JADE3: variants seen among roughly 807,000 people sequenced by gnomAD.
JADE3 encodes jade family PHD finger 3.
In JADE3, 2 loss-of-function variants were observed where a neutral mutation model predicts 50.1. The observed-to-expected ratio is 0.04, with a 90% CI of 0.02 to 0.13. The LOEUF (loss-of-function observed/expected upper bound fraction) is 0.13. JADE3 is among the 10% of genes least tolerant of loss of function. The pLI is 1.00. For synonymous variants in JADE3, 218 were observed against 232.9 expected (o/e 0.94, Z 0.58); for missense variants, 475 against 634.4 (o/e 0.75, Z 2.70).
chrX:46,962,117 C>A (rs1927274617), intron 1 of JADE3, among the ~76,000 whole-genome samples: 1 of 111,305 alleles, frequency 9.0e-6, no homozygotes, highest in Admixed American at 9.6e-5. Context: ...CGCCTCCTCA[C>A]AGGGTCTTGT....
At chrX:46,993,449 A>G (rs782516727) in intron 3 of JADE3, among the ~76,000 whole-genome samples, 1 of 112,187 alleles carries the variant, frequency 8.9e-6, no homozygotes, top group East Asian at 2.8e-4. Context: ...ATAATTTGCA[A>G]AGCAGCCTTC....
chrX:46,923,583 T>A (rs1556338272), intron 1 of JADE3, among the ~76,000 whole-genome samples: 2 of 105,531 alleles, frequency 1.9e-5, no homozygotes, highest in African/African-American at 6.8e-5. Flanking sequence ...AGCTAATTTT[T>A]AAATTTTTTT....
intron 4 of JADE3, among the ~76,000 whole-genome samples, chrX:47,003,283 G>T (rs781944322): frequency 5.4e-4 from 60 of 110,286 alleles, no homozygotes; most frequent in Non-Finnish European, 9.6e-4. Context: ...GTTCAGTTTT[G>T]GTGAGGGCTC....
chrX:47,048,305 A>G (rs1556371146), intron 8 of JADE3, among the ~76,000 whole-genome samples: 4 of 111,911 alleles, frequency 3.6e-5, no homozygotes, highest in Non-Finnish European at 7.5e-5. Context: ...CTAAAGACAA[A>G]CAGCCAAACT....
At chrX:46,976,154 C>T (rs1350789016) in intron 1 of JADE3, among the ~76,000 whole-genome samples, 1 of 111,491 alleles carries the variant, frequency 9.0e-6, no homozygotes, top group Admixed American at 9.5e-5. Flanking sequence ...AATAGGGGCC[C>T]CTTGCACTGA....
At chrX:46,976,538 T>C (rs1401632017) in intron 1 of JADE3, among the ~76,000 whole-genome samples, 2 of 111,786 alleles carry the variant, frequency 1.8e-5, no homozygotes, top group African/African-American at 6.5e-5. Context: ...TGAGGTCTAG[T>C]GTACATTTTG....
At chrX:47,003,599 T>C (rs1166726040) in intron 4 of JADE3, among the ~76,000 whole-genome samples, 2 of 102,603 alleles carry the variant, frequency 1.9e-5, no homozygotes, top group Non-Finnish European at 3.9e-5. Flanking sequence ...AATAATTATA[T>C]ATAATTAATG....
intron 1 of JADE3, among the ~76,000 whole-genome samples, chrX:46,969,368 A>G (rs1157890957): frequency 1.2e-4 from 13 of 111,794 alleles, no homozygotes; most frequent in Admixed American, 1.9e-4. Context: ...GTGAGCTGAG[A>G]TCGTGCCACT....
chrX:46,998,478 T>G (rs1254473321), intron 4 of JADE3, among the ~76,000 whole-genome samples: 1 of 110,208 alleles, frequency 9.1e-6, no homozygotes, highest in African/African-American at 3.3e-5. Flanking sequence ...AGGGACATAG[T>G]ATGTGCCCAT....
Position 47,024,862 on chromosome X carries a change from T to C in JADE3, c.423T>C (p.Asp141=). The C allele has an allele frequency of 1.7e-6, 2 of 1,203,475 alleles. No individual in the cohort carries two copies. Among genetic ancestry groups the C allele is most frequent in the Admixed American group, 2.2e-5 (1 of 45,950 alleles). The change falls in exon 5 of 11, where the codon GAT becomes GAC. Residue 141 remains aspartate (D), a synonymous_variant. Coordinates refer to ENST00000614628, the MANE Select transcript of JADE3 (RefSeq NM_014735.5). The part of the protein sequence containing the change: ...LAASVCRYDL[D]DMDIFWLQEL... Reference sequence around the variant, plus strand: ...CATCTGTTTGCCGCTATGACCTAGATGACATGGACATCTTCTGGCTTCAGG... The same window carrying C: ...CATCTGTTTGCCGCTATGACCTAGACGACATGGACATCTTCTGGCTTCAGG...
chrX:47,038,074 A>T (rs1233401732), intron 7 of JADE3, among the ~76,000 whole-genome samples: 3 of 111,411 alleles, frequency 2.7e-5, no homozygotes, highest in African/African-American at 9.8e-5. Context: ...GGCTTATTTC[A>T]CTTGACGTAA....
intron 3 of JADE3, 126 bp downstream of exon 3, chrX:46,985,918 G>A: frequency 2.0e-6 from 1 of 490,809 alleles, no homozygotes; most frequent in Non-Finnish European, 3.6e-6. Flanking sequence ...TGGATCATGG[G>A]AATATATCCC....
chrX:47,061,230 A>G lies in JADE3; in HGVS notation c.*2153A>G, dbSNP rs1266770553. 2 of 112,004 alleles carry G rather than the reference A, an allele frequency of 1.8e-5. No individual in the cohort carries two copies. Among genetic ancestry groups the G allele is most frequent in the Non-Finnish European group, 3.8e-5 (2 of 53,199 alleles). The allele number at this position is 112,004 out of a possible 1,213,427, so 9.2% of individuals were successfully genotyped here. A position where few individuals can be genotyped will look rare whatever the true frequency, so the allele number is the denominator to read the frequency against. ...TTTACCAATACTTTTTCATTAAATT[A>G]TGAAAACTGCTACCTACTGTCAGTG... On this transcript the variant is annotated 3_prime_UTR_variant, in exon 11 of 11. Coordinates refer to ENST00000614628, the MANE Select transcript of JADE3 (RefSeq NM_014735.5).
chrX:46,997,589 A>G (rs909420793), intron 3 of JADE3, among the ~76,000 whole-genome samples: 1 of 112,186 alleles, frequency 8.9e-6, no homozygotes, highest in African/African-American at 3.2e-5. Context: ...AATGAATTCT[A>G]TACATTAGTT....
rs868975246 is a variant in JADE3, at chrX:47,015,320, G to A, written c.285-9404G>A. Among the ~76,000 whole-genome samples, 7 of 111,811 alleles carry A rather than the reference G, an allele frequency of 6.3e-5. No homozygotes were observed. In the East Asian group the frequency reaches 2.0e-3, roughly 31 times the overall value. ...AATCTGGCCGGGTGTGGTGGCTCAC[G>A]CCTGTAATCCCAGCACTTTGGGAGG... On this transcript the variant is annotated intron_variant, in intron 4 of 10. Transcript: ENST00000614628.
At chrX:46,912,973 C>G (rs1925997344) in intron 1 of JADE3, 1 of 109,577 alleles carries the variant, frequency 9.1e-6, no homozygotes, top group Non-Finnish European at 1.9e-5. Context: ...CGGGTAGTGC[C>G]TGGTGGCCCG....
Position 46,918,349 on chromosome X carries a change from T to A in JADE3, c.-12+5630T>A, listed in dbSNP as rs782019235. 3.6e-5 allele frequency among the ~76,000 whole-genome samples: 4 copies of A among 112,049 alleles called. No homozygotes were observed. In the East Asian group the frequency reaches 8.4e-4, roughly 23 times the overall value. On this transcript the variant is annotated intron_variant, in intron 1 of 10. Coordinates refer to ENST00000614628, the MANE Select transcript of JADE3 (RefSeq NM_014735.5). ...AGATACTTCAGTGACTAAATGGAAA[T>A]TTTTTTATGTTTTTTGTTTTTTGCA...
chrX:46,969,231 C>G (rs961819689), intron 1 of JADE3, among the ~76,000 whole-genome samples: 6 of 111,277 alleles, frequency 5.4e-5, no homozygotes, highest in African/African-American at 2.0e-4. Context: ...GCCTGGCCAA[C>G]ATGGTGAAAT....
intron 7 of JADE3, among the ~76,000 whole-genome samples, chrX:47,038,152 C>A (rs782619172): frequency 8.9e-6 from 1 of 112,078 alleles, no homozygotes; most frequent in Admixed American, 9.5e-5. Flanking sequence ...TTGAATAGTA[C>A]TCCATTGTAT....
Sources: allele counts gnomAD v4.1 joint callset (sites outside exome capture counted in the v4.1 genomes callset), GRCh38; gene constraint gnomAD v4.1.1; transcripts MANE v1.5; gene names NCBI Gene and HGNC (gene_info 2026-07-23, HGNC 2026-07-21).